Variants in RBL2 observed in about 807,000 individuals in gnomAD.
RBL2 encodes retinoblastoma-like protein 2.
In RBL2, 56 loss-of-function variants were observed where a neutral mutation model predicts 126.0. The observed-to-expected ratio is 0.44, with a 90% CI of 0.36 to 0.56. RBL2 has a LOEUF of 0.56. Ranked by LOEUF, RBL2 falls within the 20% of genes least tolerant of loss-of-function variation. RBL2 has a pLI of 0.00. For missense variants in RBL2, 1,229 were observed against 1,398.2 expected (o/e 0.88, Z 1.93); for synonymous variants, 454 against 478.5 (o/e 0.95, Z 0.67).
In RBL2 at chr16:53,465,498, A is replaced by C; in HGVS notation, c.1759A>C (p.Asn587His). ...GLCREVVKHL[N>H]QIEEQILDHL... is the part of the protein sequence containing the mutation. ...TTGTAGAGAGGTGGTAAAACACCTT[A>C]ATCAGATTGAAGAACAGATCTTAGA... The change falls in exon 13 of 22, where the codon AAT (asparagine) becomes CAT (histidine). Residue 587 changes from asparagine to histidine, a missense_variant. Around this residue, in one of 2 missense-constraint regions of RBL2, gnomAD observed 1,070 missense variants for 1,274.3 expected, o/e 0.84. Coordinates refer to ENST00000262133, the MANE Select transcript of RBL2 (RefSeq NM_005611.4). The C allele has an allele frequency of 6.2e-7, 1 of 1,603,646 alleles. No individual in the cohort carries two copies. Among genetic ancestry groups the C allele is most frequent in the South Asian group, 1.1e-5 (1 of 89,004 alleles).
intron 8 of RBL2, among the ~76,000 whole-genome samples, chr16:53,457,683 A>C (rs971640645): frequency 5.3e-5 from 8 of 152,208 alleles, no homozygotes; most frequent in Admixed American, 1.3e-4. Flanking sequence ...TCATTTGGAG[A>C]TGGAACATCC....
rs1425652334 is a variant in RBL2, at chr16:53,435,613, C to A, written c.240+817C>A. On this transcript the variant is annotated intron_variant, in intron 1 of 21. Coordinates refer to ENST00000262133, the MANE Select transcript of RBL2 (RefSeq NM_005611.4). Reference sequence around the variant, plus strand: ...GCCAATGGGAAGTGACACGGAAGTACGGATTGTTTATCAGCTGTTTGACTG... The same window carrying A: ...GCCAATGGGAAGTGACACGGAAGTAAGGATTGTTTATCAGCTGTTTGACTG... 42 of 1,270,994 alleles carry A rather than the reference C, an allele frequency of 3.3e-5. 1 individual carries two copies. The highest frequency in any genetic ancestry group is 2.4e-4 in the South Asian group (19 of 78,538). The allele number at this position is 1,270,994 out of a possible 1,614,324, so 78.7% of individuals were successfully genotyped here.
chr16:53,439,030 T>C lies in RBL2; in HGVS notation c.255T>C (p.His85=). 6.3e-7 allele frequency: 1 copy of C among 1,584,040 alleles called. No individual in the cohort carries two copies. Among genetic ancestry groups the C allele is most frequent in the Non-Finnish European group, 8.6e-7 (1 of 1,167,408 alleles). Residue 85 remains histidine, a synonymous_variant, in exon 2 of 22, where the codon CAT becomes CAC. Coordinates refer to ENST00000262133, the MANE Select transcript of RBL2 (RefSeq NM_005611.4). Reference sequence around the variant, plus strand: ...TTCTTTTACAGGGAAATGATCTTCATTGGTTAGCATGTGCCTTATATGTGG... The same window carrying C: ...TTCTTTTACAGGGAAATGATCTTCACTGGTTAGCATGTGCCTTATATGTGG... The part of the protein sequence containing the change: ...ESYTLEGNDL[H]WLACALYVAC...
chr16:53,471,381 G>A (rs573721858), intron 17 of RBL2, among the ~76,000 whole-genome samples: 1 of 152,038 alleles, frequency 6.6e-6, no homozygotes, highest in African/African-American at 2.4e-5. Context: ...AAAGATTTTA[G>A]TTTCTCCACT....
chr16:53,474,968 C>T (rs551896057), intron 17 of RBL2, among the ~76,000 whole-genome samples: 48 of 152,214 alleles, frequency 3.2e-4, no homozygotes, highest in Non-Finnish European at 6.0e-4. Flanking sequence ...AATTCAGCAG[C>T]GAAGCTGTTG....
chr16:53,445,495 T>C (rs548461201), intron 3 of RBL2, among the ~76,000 whole-genome samples: 5 of 152,310 alleles, frequency 3.3e-5, no homozygotes, highest in African/African-American at 1.2e-4. Flanking sequence ...TTACTTCAGT[T>C]AATCCCTCTG....
intron 1 of RBL2, among the ~76,000 whole-genome samples, chr16:53,437,851 C>T (rs2153137329): frequency 6.6e-6 from 1 of 151,942 alleles, no homozygotes; most frequent in East Asian, 1.9e-4. Context: ...CACATTGAAA[C>T]CCAGTCTCTA....
rs528874427 is a variant in RBL2, at chr16:53,462,706, T to C, written c.1560+51T>C. ...TCAGCGCAATGAAACATAATTTCCT[T>C]CCTGCCCTATTCTGTGGGTTGTTTT... On this transcript the variant is annotated intron_variant, in intron 11 of 21. Transcript: ENST00000262133. 2.4e-5 allele frequency: 29 copies of C among 1,214,820 alleles called. No individual in the cohort carries two copies. The African/African-American group carries it at 4.6e-4, about 19-fold the overall frequency. 75.3% of individuals were successfully genotyped at this position (1,214,820 alleles called of 1,614,324 possible).
intron 17 of RBL2, 132 bp downstream of exon 17, chr16:53,471,054 T>C: frequency 2.2e-6 from 2 of 903,936 alleles, no homozygotes; most frequent in Non-Finnish European, 3.3e-6. Context: ...AAATGGGTCT[T>C]AGTATATTCA....
Position 53,480,580 on chromosome 16 carries a change from C to T in RBL2, c.2895C>T (p.Ser965=). The T allele has an allele frequency of 6.2e-7, 1 of 1,613,616 alleles. No individual in the cohort carries two copies. The highest frequency in any genetic ancestry group is 2.2e-5 in the East Asian group (1 of 44,848). The change falls in exon 20 of 22, where the codon TCC becomes TCT. Residue 965 remains serine, a synonymous_variant. Transcript: ENST00000262133. ...TCCTGGCTGCAGCCAGTAGAGACTC[C>T]AGTCCAGTTATGAGGTCAAGCAGCA... ...ELNKDRTSRD[S]SPVMRSSSTL... is the part of the protein sequence containing the mutation.
chr16:53,483,926 TAAAAA>T lies in RBL2; in HGVS notation c.3249+2104_3249+2108del, dbSNP rs77395902. Among the ~76,000 whole-genome samples, 3 of 131,002 alleles carry T rather than the reference TAAAAA, an allele frequency of 2.3e-5. No individual in the cohort carries two copies. In the East Asian group the frequency reaches 7.0e-4, roughly 30 times the overall value. The allele number at this position is 131,002 out of a possible 152,430, so 85.9% of individuals were successfully genotyped here. A position where few individuals can be genotyped will look rare whatever the true frequency, so the allele number is the denominator to read the frequency against. ...AATGGAGACACTTTTCCTATCATAG[TAAAAA>T]AAAAAAAAAAAAGGTGTAAAGGTGT... On this transcript the variant is annotated intron_variant, in intron 21 of 21. Coordinates refer to ENST00000262133, the MANE Select transcript of RBL2 (RefSeq NM_005611.4).
At chr16:53,444,012 G>T (rs1207239111) in intron 3 of RBL2, among the ~76,000 whole-genome samples, 1 of 152,202 alleles carries the variant, frequency 6.6e-6, no homozygotes, top group East Asian at 1.9e-4. Context: ...ACTTTAGGAG[G>T]CTGAGGCAGG....
At chr16:53,460,268 A>G (rs1179617113) in intron 9 of RBL2, among the ~76,000 whole-genome samples, 1 of 152,224 alleles carries the variant, frequency 6.6e-6, no homozygotes, top group Admixed American at 6.5e-5. Flanking sequence ...CTAAAACCTT[A>G]TGATATGATA....
At chr16:53,488,619 A>G (rs990108371) in intron 21 of RBL2, 2 of 152,332 alleles carry the variant, frequency 1.3e-5, no homozygotes, top group African/African-American at 2.4e-5. Context: ...TCTAGAACCA[A>G]TCTATAACGT....
At chr16:53,452,125 G>C (rs7202621) in intron 5 of RBL2, among the ~76,000 whole-genome samples, 1 of 151,982 alleles carries the variant, frequency 6.6e-6, no homozygotes, top group African/African-American at 2.4e-5. Context: ...TAAAGCCGAT[G>C]ATGTTTTTCT....
chr16:53,458,195 A>G (rs554697617), intron 8 of RBL2, among the ~76,000 whole-genome samples: 14 of 152,362 alleles, frequency 9.2e-5, no homozygotes, highest in Non-Finnish European at 1.9e-4. Context: ...ATATCTTATG[A>G]AACTTGAATA....
At position 53,434,785 on chromosome 16, in the gene RBL2, T is replaced by C. The variant is rs2057939265; in HGVS notation, c.229T>C (p.Tyr77His). The change falls in exon 1 of 22, where the codon TAC becomes CAC. Residue 77 changes from tyrosine to histidine, a missense_variant. Transcript: ENST00000262133. ...CAGCTACCGCAGCATGAGCGAAAGC[T>C]ACACGCTGGAGGTGCGCTCGCGGGC... The part of the protein sequence containing the change: ...WDSYRSMSES[Y>H]TLEGNDLHWL... 1.3e-6 allele frequency: 2 copies of C among 1,508,548 alleles called. No individual in the cohort carries two copies. The highest frequency in any genetic ancestry group is 2.4e-5 in the South Asian group (2 of 82,254). The allele number at this position is 1,508,548 out of a possible 1,614,324, so 93.4% of individuals were successfully genotyped here.
intron 4 of RBL2, chr16:53,449,143 A>C (rs982749815): frequency 5.3e-5 from 8 of 152,148 alleles, no homozygotes; most frequent in African/African-American, 1.9e-4. Context: ...AGCGGCTACA[A>C]ATTTTAGAAT....
At chr16:53,463,359 C>T (rs1300368102) in intron 11 of RBL2, among the ~76,000 whole-genome samples, 1 of 151,952 alleles carries the variant, frequency 6.6e-6, no homozygotes, top group African/African-American at 2.4e-5. Context: ...CAGAGTCTCA[C>T]TCTCTTGCCC....
Sources: gnomAD v4.1 joint callset for allele counts (sites outside exome capture counted in the v4.1 genomes callset) on GRCh38, gnomAD v4.1.1 for gene constraint, gnomAD v4.1.1 regional missense constraint, MANE v1.5 for transcripts, NCBI Gene and HGNC (gene_info 2026-07-23, HGNC 2026-07-21) for gene names.